Variants in CALN1 observed in about 807,000 individuals in gnomAD.
The protein encoded by CALN1 is calneuron 1.
In CALN1, 17 loss-of-function variants were observed where a neutral mutation model predicts 30.6. The ratio of observed to expected loss-of-function variants is 0.56; its 90% confidence interval spans 0.38 to 0.83. The LOEUF (loss-of-function observed/expected upper bound fraction) is 0.83. CALN1 is among the 40% of genes least tolerant of loss of function. The pLI, the probability that CALN1 is intolerant of heterozygous loss-of-function variation, is 0.00. For synonymous variants in CALN1, 156 were observed against 131.4 expected, an observed-to-expected ratio of 1.19 and a Z score of -1.28; for missense variants, 291 against 354.9, an observed-to-expected ratio of 0.82 and a Z score of 1.45.
Position 72,246,119 on chromosome 7 carries a change from A to G in CALN1, c.244+32567T>C, listed in dbSNP as rs11984189. Reference sequence around the variant, plus strand: ...TTTCCAGACACTTTATTATGATAACATCTTTCCAGTTCCACTTCCTGTCTG... The same window carrying G: ...TTTCCAGACACTTTATTATGATAACGTCTTTCCAGTTCCACTTCCTGTCTG... On this transcript the variant is annotated intron_variant, in intron 3 of 6. Transcript: ENST00000395275. Among the ~76,000 whole-genome samples, 411 of 152,246 alleles carry G rather than the reference A, an allele frequency of 2.7e-3. 3 individuals are homozygous for G. Among genetic ancestry groups the G allele is most frequent in the African/African-American group, 9.4e-3 (391 of 41,540 alleles).
intron 1 of CALN1, among the ~76,000 whole-genome samples, chr7:72,404,530 C>T (rs900413519): frequency 2.0e-5 from 3 of 152,198 alleles, no homozygotes; most frequent in East Asian, 1.9e-4. Flanking sequence ...AGGGCCCCAT[C>T]TGAGAGAGTT....
At chr7:72,339,998 G>GCC (rs1802307713) in intron 2 of CALN1, among the ~76,000 whole-genome samples, 1 of 152,084 alleles carries the variant, frequency 6.6e-6, no homozygotes, top group African/African-American at 2.4e-5. Context: ...ACATCTTAGT[G>GCC]TCCTTCAGTT....
At chr7:72,000,042 A>C (rs1411622882) in intron 5 of CALN1, among the ~76,000 whole-genome samples, 1 of 152,170 alleles carries the variant, frequency 6.6e-6, no homozygotes, top group African/African-American at 2.4e-5. Context: ...CTCAAAGTAA[A>C]TAAAAATACA....
At chr7:71,927,009 C>G (rs1795303392) in intron 5 of CALN1, among the ~76,000 whole-genome samples, 1 of 152,152 alleles carries the variant, frequency 6.6e-6, no homozygotes, top group Non-Finnish European at 1.5e-5. Context: ...TGACTCTTGA[C>G]AGTGAGTTGT....
intron 5 of CALN1, among the ~76,000 whole-genome samples, chr7:71,985,591 T>C (rs978355652): frequency 1.0e-3 from 142 of 139,850 alleles, no homozygotes; most frequent in African/African-American, 3.8e-3. Flanking sequence ...TTTCTTTTTT[T>C]TTTTTTTTTT....
At chr7:72,095,854 A>G (rs1374503717) in intron 4 of CALN1, among the ~76,000 whole-genome samples, 1 of 152,130 alleles carries the variant, frequency 6.6e-6, no homozygotes, top group Admixed American at 6.5e-5. Context: ...CAACATAGCA[A>G]AACTTCATTG....
intron 4 of CALN1, among the ~76,000 whole-genome samples, chr7:72,041,644 A>G (rs1469806180): frequency 6.6e-6 from 1 of 152,138 alleles, no homozygotes; most frequent in African/African-American, 2.4e-5. Flanking sequence ...TCAGCCTCCC[A>G]AAGTGCTGGG....
chr7:71,977,012 C>T (rs143929176), intron 5 of CALN1, among the ~76,000 whole-genome samples: 1,936 of 152,316 alleles, frequency 0.013, 23 homozygotes, highest in Non-Finnish European at 0.017. Flanking sequence ...AATAAAAATA[C>T]TGCCTTGAAG....
Position 71,779,504 on chromosome 7 carries a change from A to C in CALN1, c.*8271T>G, listed in dbSNP as rs1322842010. On this transcript the variant is annotated 3_prime_UTR_variant, in exon 7 of 7. Transcript: ENST00000395275. Reference sequence around the variant, plus strand: ...TGGAATCTCTTGTCAAAAGAAAAAAAAACTTTTATTTTTTCTATTGCATAA... The same window carrying C: ...TGGAATCTCTTGTCAAAAGAAAAAACAACTTTTATTTTTTCTATTGCATAA... The C allele has an allele frequency of 6.6e-6, 1 of 152,138 alleles. No individual in the cohort carries two copies. The highest frequency in any genetic ancestry group is 2.4e-5 in the African/African-American group (1 of 41,380). 9.4% of individuals were successfully genotyped at this position (152,138 alleles called of 1,614,324 possible).
At chr7:72,406,966 G>A (rs972207726) in intron 1 of CALN1, among the ~76,000 whole-genome samples, 4 of 152,172 alleles carry the variant, frequency 2.6e-5, no homozygotes, top group African/African-American at 7.2e-5. Context: ...CTTTAGCACT[G>A]AAAATGCCCC....
At chr7:72,396,235 T>TTA (rs1185933549) in intron 2 of CALN1, among the ~76,000 whole-genome samples, 1 of 53,344 alleles carries the variant, frequency 1.9e-5, no homozygotes, top group East Asian at 5.8e-4. Context: ...TTGTCTCTAC[T>TTA]AAAAAAAAAA....
intron 2 of CALN1, among the ~76,000 whole-genome samples, chr7:72,333,859 G>A (rs1019190567): frequency 2.0e-5 from 3 of 152,144 alleles, no homozygotes; most frequent in African/African-American, 7.2e-5. Flanking sequence ...CCAGGAATGA[G>A]GAATGAGCTG....
chr7:72,268,119 G>A (rs1480647466), intron 3 of CALN1, among the ~76,000 whole-genome samples: 1 of 152,178 alleles, frequency 6.6e-6, no homozygotes, highest in Non-Finnish European at 1.5e-5. Context: ...CTAGCACATA[G>A]TAAGCACTCA....
At chr7:71,868,715 C>T (rs920728213) in intron 5 of CALN1, among the ~76,000 whole-genome samples, 4 of 152,024 alleles carry the variant, frequency 2.6e-5, no homozygotes, top group African/African-American at 7.2e-5. Context: ...TGAAGGGCCA[C>T]CCCCATGATC....
At chr7:72,248,151 G>A (rs1361287340) in intron 3 of CALN1, among the ~76,000 whole-genome samples, 1 of 152,090 alleles carries the variant, frequency 6.6e-6, no homozygotes, top group Non-Finnish European at 1.5e-5. Context: ...TTTTGCTTTT[G>A]TCACCCAGGC....
chr7:72,279,797 G>A (rs955779707), intron 2 of CALN1, among the ~76,000 whole-genome samples: 2 of 152,236 alleles, frequency 1.3e-5, no homozygotes, highest in African/African-American at 4.8e-5. Flanking sequence ...CTTTGAACAA[G>A]ACGCCGAATG....
intron 5 of CALN1, among the ~76,000 whole-genome samples, chr7:71,970,316 G>A (rs1297213002): frequency 6.6e-6 from 1 of 152,102 alleles, no homozygotes; most frequent in Non-Finnish European, 1.5e-5. Context: ...CCAATCCCAA[G>A]ACTTAACAGT....
intron 3 of CALN1, among the ~76,000 whole-genome samples, chr7:72,165,385 C>T (rs1788450691): frequency 6.6e-6 from 1 of 151,918 alleles, no homozygotes; most frequent in South Asian, 2.1e-4. Context: ...CAGGGTGAGA[C>T]TGCGTTCCTA....
chr7:71,841,312 T>C (rs891321238), intron 5 of CALN1, among the ~76,000 whole-genome samples: 1 of 152,178 alleles, frequency 6.6e-6, no homozygotes, highest in Non-Finnish European at 1.5e-5. Flanking sequence ...CTCAGCTCTT[T>C]CTTCTTCTCT....
Sources: gnomAD v4.1 joint callset for allele counts (sites outside exome capture counted in the v4.1 genomes callset) on GRCh38, gnomAD v4.1.1 for gene constraint, MANE v1.5 for transcripts, NCBI Gene and HGNC (gene_info 2026-07-23, HGNC 2026-07-21) for gene names.